PARD3B: variants seen among roughly 807,000 people sequenced by gnomAD.
The protein encoded by PARD3B is par-3 family cell polarity regulator beta.
A neutral mutation model predicts 130.2 loss-of-function variants in PARD3B; 103 were observed. The observed-to-expected ratio is 0.79, with a 90% CI of 0.67 to 0.93. The LOEUF (loss-of-function observed/expected upper bound fraction) is 0.93. Among genes scored for constraint, PARD3B ranks in the 40% least tolerant of loss-of-function variants. PARD3B has a pLI of 0.00. For synonymous variants in PARD3B, 583 were observed against 553.2 expected, an observed-to-expected ratio of 1.05 and a Z score of -0.76; for missense variants, 1,609 against 1,499.2, an observed-to-expected ratio of 1.07 and a Z score of -1.21.
rs2044838657 is a variant in PARD3B at position 205,372,032 on chromosome 2, A to G, written c.2631-28981A>G. Among the ~76,000 whole-genome samples the G allele has an allele frequency of 3.3e-5, 5 of 152,196 alleles. No individual in the cohort carries two copies. The South Asian group carries it at 1.0e-3, about 31-fold the overall frequency. On this transcript the variant is annotated intron_variant, in intron 18 of 22. Coordinates refer to ENST00000406610, the MANE Select transcript of PARD3B (RefSeq NM_001302769.2). ...TAATAATATTCTATTGTGTGCATAA[A>G]TACCACATTTTATTTATCCATTCAT...
At chr2:204,813,851 C>T (rs2043050476) in intron 2 of PARD3B, among the ~76,000 whole-genome samples, 2 of 152,066 alleles carry the variant, frequency 1.3e-5, no homozygotes, top group South Asian at 2.1e-4. Context: ...TGGCTCATGA[C>T]TATCTTGATT....
At chr2:204,757,436 T>G (rs2040724951) in intron 2 of PARD3B, among the ~76,000 whole-genome samples, 1 of 152,182 alleles carries the variant, frequency 6.6e-6, no homozygotes, top group Non-Finnish European at 1.5e-5. Context: ...TTTGACCTTC[T>G]TATAGTAGCC....
At chr2:204,716,912 G>A (rs567531574) in intron 2 of PARD3B, among the ~76,000 whole-genome samples, 1 of 152,244 alleles carries the variant, frequency 6.6e-6, no homozygotes, top group South Asian at 2.1e-4. Flanking sequence ...GTGAGCCACC[G>A]CACCCGGCCC....
At chr2:205,014,171 T>C (rs559883188) in intron 3 of PARD3B, among the ~76,000 whole-genome samples, 4 of 152,198 alleles carry the variant, frequency 2.6e-5, no homozygotes, top group Non-Finnish European at 5.9e-5. Context: ...AAAATAAGAA[T>C]AGCTTTATTT....
At chr2:205,322,252 G>A (rs1162431444) in intron 18 of PARD3B, among the ~76,000 whole-genome samples, 1 of 152,182 alleles carries the variant, frequency 6.6e-6, no homozygotes, top group Non-Finnish European at 1.5e-5. Flanking sequence ...ACTTTGCCTA[G>A]TCAGGAAGAG....
chr2:204,788,179 G>C (rs1047225614), intron 2 of PARD3B, among the ~76,000 whole-genome samples: 58 of 152,156 alleles, frequency 3.8e-4, no homozygotes, highest in African/African-American at 1.2e-3. Flanking sequence ...ATAGTTTAAT[G>C]GACTCTGTTG....
At chr2:204,658,080 G>T (rs1369385164) in intron 1 of PARD3B, among the ~76,000 whole-genome samples, 2 of 152,076 alleles carry the variant, frequency 1.3e-5, no homozygotes, top group African/African-American at 2.4e-5. Flanking sequence ...TATTATAAAG[G>T]CTCTACTATG....
At chr2:204,930,004 T>A (rs1256409617) in intron 2 of PARD3B, among the ~76,000 whole-genome samples, 1 of 152,036 alleles carries the variant, frequency 6.6e-6, no homozygotes, top group African/African-American at 2.4e-5. Flanking sequence ...TTTTTCCTCT[T>A]TGCCAAGCCC....
intron 1 of PARD3B, among the ~76,000 whole-genome samples, chr2:204,625,847 G>T (rs564729517): frequency 1.3e-5 from 2 of 152,208 alleles, no homozygotes; most frequent in South Asian, 4.1e-4. Context: ...ATTTACTGAT[G>T]TATCACAGCT....
intron 2 of PARD3B, among the ~76,000 whole-genome samples, chr2:204,918,590 A>G (rs978446397): frequency 2.7e-5 from 4 of 149,400 alleles, no homozygotes; most frequent in Non-Finnish European, 5.9e-5. Flanking sequence ...AGATCCCGCC[A>G]CTGCACTCCA....
chr2:204,857,459 G>A (rs1363240331), intron 2 of PARD3B, among the ~76,000 whole-genome samples: 1 of 152,080 alleles, frequency 6.6e-6, no homozygotes, highest in Non-Finnish European at 1.5e-5. Context: ...AAAGACAGAT[G>A]AATGAGAAAA....
intron 2 of PARD3B, among the ~76,000 whole-genome samples, chr2:204,889,427 GCAGGGCC>G (rs1325980480): frequency 6.6e-6 from 1 of 152,108 alleles, no homozygotes; most frequent in African/African-American, 2.4e-5. Flanking sequence ...AGTTACATTT[GCAGGGCC>G]CAATGCAAAA....
chr2:204,727,643 A>G (rs972447246), intron 2 of PARD3B, among the ~76,000 whole-genome samples: 8 of 152,182 alleles, frequency 5.3e-5, no homozygotes, highest in Admixed American at 2.0e-4. Context: ...GGGAGAGGTA[A>G]AAGAAACAGG....
At position 205,550,949 on chromosome 2, in the gene PARD3B, A is replaced by G. The variant is rs1250745994; in HGVS notation, c.3181-2375A>G. Among the ~76,000 whole-genome samples, 3 of 74,726 alleles carry G rather than the reference A, an allele frequency of 4.0e-5. No homozygotes were observed. The highest frequency in any genetic ancestry group is 6.4e-5 in the Non-Finnish European group (2 of 31,342). 49.0% of individuals were successfully genotyped at this position (74,726 alleles called of 152,430 possible). A position where few individuals can be genotyped will look rare whatever the true frequency, so the allele number is the denominator to read the frequency against. Reference sequence around the variant, plus strand: ...TGTGTGTGTGTGTGTGTGTATATATATATGTGTATATATATATATATATAT... The same window carrying G: ...TGTGTGTGTGTGTGTGTGTATATATGTATGTGTATATATATATATATATAT... On this transcript the variant is annotated intron_variant, in intron 21 of 22. Transcript: ENST00000406610. This position sits in a 1 kb window ranked among gnomAD's most constrained non-coding sequence, Gnocchi z 4.5.
chr2:204,797,526 G>A (rs564340229), intron 2 of PARD3B, among the ~76,000 whole-genome samples: 5 of 152,226 alleles, frequency 3.3e-5, no homozygotes, highest in Non-Finnish European at 7.4e-5. Flanking sequence ...TTATTAAAGT[G>A]CATATTGCAC....
rs936123524 is a variant in PARD3B at position 205,407,257 on chromosome 2, A to G, written c.2741+6134A>G. Among the ~76,000 whole-genome samples, 1 of 152,136 alleles carries G rather than the reference A, an allele frequency of 6.6e-6. No homozygotes were observed. Among genetic ancestry groups the G allele is most frequent in the African/African-American group, 2.4e-5 (1 of 41,442 alleles). ...GATGTGTCACCTCCTGTTACAAGTC[A>G]AACAGTCTATTGCAATGAAGCCCTG... On this transcript the variant is annotated intron_variant, in intron 19 of 22. Coordinates refer to ENST00000406610, the MANE Select transcript of PARD3B (RefSeq NM_001302769.2). The surrounding 1 kb of genome is among the most constrained non-coding windows in gnomAD (Gnocchi z 4.1).
rs2035217085 is a variant in PARD3B at position 205,172,286 on chromosome 2, G to A, written c.1696G>A (p.Ala566Thr). 6.2e-7 allele frequency: 1 copy of A among 1,614,106 alleles called. No individual in the cohort carries two copies. The highest frequency in any genetic ancestry group is 2.2e-5 in the East Asian group (1 of 44,862). Residue 566 changes from alanine to threonine, a missense_variant, in exon 12 of 23, where the codon GCT (alanine) becomes ACT (threonine). By Grantham distance (58) the Ala-to-Thr change is moderately conservative. Coordinates refer to ENST00000406610, the MANE Select transcript of PARD3B (RefSeq NM_001302769.2). ...ESLLGKSNHE[A>T]METLRRSMSM... ...TCTTTTGGGAAAGTCCAACCACGAA[G>A]CTATGGAAACACTTAGGCGGTCAAT...
At chr2:204,840,020 A>C (rs1015144874) in intron 2 of PARD3B, among the ~76,000 whole-genome samples, 1 of 152,148 alleles carries the variant, frequency 6.6e-6, no homozygotes, top group African/African-American at 2.4e-5. Flanking sequence ...CCTCAGCCCC[A>C]AAAGCACATA....
At chr2:204,766,756 C>G (rs2125420649) in intron 2 of PARD3B, among the ~76,000 whole-genome samples, 1 of 148,400 alleles carries the variant, frequency 6.7e-6, no homozygotes, top group Non-Finnish European at 1.5e-5. Flanking sequence ...TTATGCTTTG[C>G]AAAGTAATTT....
Sources: gnomAD v4.1 joint callset for allele counts (sites outside exome capture counted in the v4.1 genomes callset) on GRCh38, gnomAD v4.1.1 for gene constraint, Gnocchi (gnomAD v3.1) non-coding constraint, MANE v1.5 for transcripts, NCBI Gene and HGNC (gene_info 2026-07-23, HGNC 2026-07-21) for gene names.